KCNQ1: variants seen among roughly 807,000 people sequenced by gnomAD.
The protein encoded by KCNQ1 is potassium voltage-gated channel subfamily Q member 1.
In KCNQ1, 49 loss-of-function variants were observed where a neutral mutation model predicts 72.4. The ratio of observed to expected loss-of-function variants is 0.68; its 90% CI spans 0.54 to 0.86. The LOEUF (loss-of-function observed/expected upper bound fraction) is 0.86. KCNQ1 is among the 40% of genes least tolerant of loss of function. The pLI is 0.00. For synonymous variants in KCNQ1, 450 were observed against 412.6 expected, an observed-to-expected ratio of 1.09 and a Z score of -1.10; for missense variants, 790 against 945.1, an observed-to-expected ratio of 0.84 and a Z score of 2.15.
At chr11:2,453,423 G>A (rs114213004) in intron 1 of KCNQ1, among the ~76,000 whole-genome samples, 1,574 of 152,048 alleles carry the variant, frequency 0.01, 24 homozygotes, top group African/African-American at 0.036. Context: ...CAGGCTGGGG[G>A]AAGATGTGAT....
rs1472495002 is a variant in KCNQ1 at position 2,608,217 on chromosome 11, T to A, written c.1393+19363T>A. On this transcript the variant is annotated intron_variant, in intron 10 of 15. Transcript: ENST00000155840. The surrounding 1 kb of genome is among the most constrained non-coding windows in gnomAD (Gnocchi z 4.6). Reference sequence around the variant, plus strand: ...AGAATTGATATTCTTTAGATATTTGTTAGATTCACTCATCTGGCCCTCTTG... The same window carrying A: ...AGAATTGATATTCTTTAGATATTTGATAGATTCACTCATCTGGCCCTCTTG... The A allele has an allele frequency of 5.1e-6, 2 of 394,520 alleles. No individual in the cohort carries two copies. The highest frequency in any genetic ancestry group is 4.1e-5 in the African/African-American group (2 of 48,562). The allele number at this position is 394,520 out of a possible 1,614,324, so 24.4% of individuals were successfully genotyped here. A position where few individuals can be genotyped will look rare whatever the true frequency, so the allele number is the denominator to read the frequency against.
At position 2,848,465 on chromosome 11, in the gene KCNQ1, A is replaced by G. The variant is rs533308153; in HGVS notation, c.*462A>G. 2 of 460,392 alleles carry G rather than the reference A, an allele frequency of 4.3e-6. No homozygotes were observed. The highest frequency in any genetic ancestry group is 4.0e-5 in the African/African-American group (2 of 50,388). 28.5% of individuals were successfully genotyped at this position (460,392 alleles called of 1,614,324 possible). On this transcript the variant is annotated 3_prime_UTR_variant, in exon 16 of 16. Coordinates refer to ENST00000155840, the MANE Select transcript of KCNQ1 (RefSeq NM_000218.3). ...GGCACAGGCAGGGCAGGACCAGCCC[A>G]CGCTGACTACAGGGCCGCCGGCAAT...
chr11:2,539,918 T>C (rs1847796234), intron 2 of KCNQ1, among the ~76,000 whole-genome samples: 1 of 152,198 alleles, frequency 6.6e-6, no homozygotes, highest in South Asian at 2.1e-4. Context: ...TGTTTTCACA[T>C]CTGACCCTGG....
intron 11 of KCNQ1, among the ~76,000 whole-genome samples, chr11:2,727,414 G>C (rs1421129364): frequency 6.6e-6 from 1 of 152,234 alleles, no homozygotes; most frequent in Non-Finnish European, 1.5e-5. Context: ...TGAGTCAGGT[G>C]TCAGGGACCA....
intron 10 of KCNQ1, chr11:2,631,140 G>A (rs1274881267): frequency 2.5e-6 from 1 of 398,516 alleles, no homozygotes; most frequent in East Asian, 3.6e-5. Flanking sequence ...CCCCAGATAT[G>A]GGAAGTTTTC....
Position 2,695,127 on chromosome 11 carries a change from C to T in KCNQ1, c.1514+33046C>T, listed in dbSNP as rs980427024. The T allele has an allele frequency of 5.0e-6, 2 of 398,496 alleles. No homozygotes were observed. The highest frequency in any genetic ancestry group is 8.8e-6 in the Non-Finnish European group (2 of 226,092). 24.7% of individuals were successfully genotyped at this position (398,496 alleles called of 1,614,324 possible). ...ATCTGGCAGGAGAGTCATGGAGGCA[C>T]ATTCATTCGTTGGTTCTTGGCTTTT... On this transcript the variant is annotated intron_variant, in intron 11 of 15. Coordinates refer to ENST00000155840, the MANE Select transcript of KCNQ1 (RefSeq NM_000218.3). The surrounding 1 kb of genome is among the most constrained non-coding windows in gnomAD (Gnocchi z 5.2).
rs1312560445 is a variant in KCNQ1 at position 2,687,941 on chromosome 11, C to T, written c.1514+25860C>T. 2.5e-6 allele frequency: 1 copy of T among 398,784 alleles called. No homozygotes were observed. Among genetic ancestry groups the T allele is most frequent in the Non-Finnish European group, 4.4e-6 (1 of 226,170 alleles). 24.7% of individuals were successfully genotyped at this position (398,784 alleles called of 1,614,324 possible). On this transcript the variant is annotated intron_variant, in intron 11 of 15. Transcript: ENST00000155840. The surrounding 1 kb of genome is among the most constrained non-coding windows in gnomAD (Gnocchi z 5.0). ...AGTTGTGAGGCTGCACTTCTCCCACCCGCTGTGGGTCAGCCAGGCCGCTGC... is the reference window on the plus strand; with the variant it reads ...AGTTGTGAGGCTGCACTTCTCCCACTCGCTGTGGGTCAGCCAGGCCGCTGC...
At chr11:2,666,946 G>C (rs1850082795) in intron 11 of KCNQ1, 1 of 398,754 alleles carries the variant, frequency 2.5e-6, no homozygotes, top group South Asian at 1.3e-4. Flanking sequence ...CTGTCTGCAC[G>C]AGATGCCAAG....
chr11:2,614,125 C>G, intron 10 of KCNQ1: 1 of 398,466 alleles, frequency 2.5e-6, no homozygotes, highest in Non-Finnish European at 4.4e-6. Context: ...TTTGGCTTTC[C>G]TACCATGTCT....
chr11:2,542,224 GACATT>G (rs1172776181), intron 2 of KCNQ1, among the ~76,000 whole-genome samples: 1 of 152,256 alleles, frequency 6.6e-6, no homozygotes, highest in Non-Finnish European at 1.5e-5. Flanking sequence ...AGGGTGTGGG[GACATT>G]GGGCATGAAG....
chr11:2,606,892 ATTTTTTTTTTTTT>A (rs869121696), intron 10 of KCNQ1, among the ~76,000 whole-genome samples: 1 of 82,766 alleles, frequency 1.2e-5, no homozygotes, highest in South Asian at 4.0e-4. Context: ...ATTATCTGTG[ATTTTTTTTTTTTT>A]TTTTTTTTTT....
intron 10 of KCNQ1, chr11:2,630,561 T>C (rs1187744503): frequency 5.0e-6 from 2 of 398,194 alleles, no homozygotes; most frequent in African/African-American, 4.1e-5. Flanking sequence ...ATGAAAACAA[T>C]AGTAATTTTT....
In KCNQ1 at chr11:2,663,131, G is replaced by A. The variant is rs1850000033; in HGVS notation, c.1514+1050G>A. 2.5e-6 allele frequency: 1 copy of A among 398,754 alleles called. No individual in the cohort carries two copies. The highest frequency in any genetic ancestry group is 4.4e-6 in the Non-Finnish European group (1 of 226,162). The allele number at this position is 398,754 out of a possible 1,614,324, so 24.7% of individuals were successfully genotyped here. On this transcript the variant is annotated intron_variant, in intron 11 of 15. Transcript: ENST00000155840. This position sits in a 1 kb window ranked among gnomAD's most constrained non-coding sequence, Gnocchi z 5.2. Reference sequence around the variant, plus strand: ...CTATCTTAAGGGGTAATTATGATCAGACAGGACCTGCCCACTGTCTTTCCA... The same window carrying A: ...CTATCTTAAGGGGTAATTATGATCAAACAGGACCTGCCCACTGTCTTTCCA...
At position 2,493,165 on chromosome 11, in the gene KCNQ1, A is replaced by G. The variant is rs1028942477; in HGVS notation, c.387-34763A>G. Reference sequence around the variant, plus strand: ...GGCCACATAAATGTCTTCTTTTGAGAAGTATCTGTTCGTATCCTTTACCCA... The same window carrying G: ...GGCCACATAAATGTCTTCTTTTGAGGAGTATCTGTTCGTATCCTTTACCCA... On this transcript the variant is annotated intron_variant, in intron 1 of 15. Transcript: ENST00000155840. The surrounding 1 kb of genome is among the most constrained non-coding windows in gnomAD (Gnocchi z 5.3). Among the ~76,000 whole-genome samples the G allele has an allele frequency of 2.6e-5, 4 of 152,106 alleles. No individual in the cohort carries two copies. The highest frequency in any genetic ancestry group is 4.4e-5 in the Non-Finnish European group (3 of 68,020).
In KCNQ1 at chr11:2,769,454, G is replaced by C. The variant is rs993523233; in HGVS notation, c.1590+535G>C. On this transcript the variant is annotated intron_variant, in intron 12 of 15. Transcript: ENST00000155840. The surrounding 1 kb of genome is among the most constrained non-coding windows in gnomAD (Gnocchi z 4.6). The stretch of plus-strand genomic sequence containing the variant: ...AGGTGGGGTCCCCTTGGCCAGGTGA[G>C]GCTGGAGCTCCAGGGCTTCCATAAG... Among the ~76,000 whole-genome samples the C allele has an allele frequency of 2.6e-5, 4 of 152,172 alleles. No individual in the cohort carries two copies. Among genetic ancestry groups the C allele is most frequent in the Non-Finnish European group, 5.9e-5 (4 of 68,032 alleles).
Position 2,516,338 on chromosome 11 carries a change from G to A in KCNQ1, c.387-11590G>A, listed in dbSNP as rs1404812025. Among the ~76,000 whole-genome samples the A allele has an allele frequency of 6.6e-6, 1 of 152,058 alleles. No homozygotes were observed. Among genetic ancestry groups the A allele is most frequent in the Non-Finnish European group, 1.5e-5 (1 of 68,022 alleles). ...GAGGAGGTGGGCTTTAAATGGCTCAGTCCCAGCGTCCCCTCATGCCTGGGA... is the reference window on the plus strand; with the variant it reads ...GAGGAGGTGGGCTTTAAATGGCTCAATCCCAGCGTCCCCTCATGCCTGGGA... On this transcript the variant is annotated intron_variant, in intron 1 of 15. Coordinates refer to ENST00000155840, the MANE Select transcript of KCNQ1 (RefSeq NM_000218.3). This position sits in a 1 kb window ranked among gnomAD's most constrained non-coding sequence, Gnocchi z 7.0.
Position 2,642,137 on chromosome 11 carries a change from T to G in KCNQ1, c.1394-19824T>G. On this transcript the variant is annotated intron_variant, in intron 10 of 15. Coordinates refer to ENST00000155840, the MANE Select transcript of KCNQ1 (RefSeq NM_000218.3). This position sits in a 1 kb window ranked among gnomAD's most constrained non-coding sequence, Gnocchi z 4.3. The stretch of plus-strand genomic sequence containing the variant: ...TTGGTTCCATCTGAATTTTAGGATT[T>G]TTTCTATTTCCATGAAAAATGGCAT... 1 of 398,458 alleles carries G rather than the reference T, an allele frequency of 2.5e-6. No individual in the cohort carries two copies. Among genetic ancestry groups the G allele is most frequent in the Non-Finnish European group, 4.4e-6 (1 of 225,962 alleles). The allele number at this position is 398,458 out of a possible 1,614,324, so 24.7% of individuals were successfully genotyped here. A position where few individuals can be genotyped will look rare whatever the true frequency, so the allele number is the denominator to read the frequency against.
Position 2,653,801 on chromosome 11 carries a change from T to C in KCNQ1, c.1394-8160T>C. The C allele has an allele frequency of 5.0e-6, 2 of 398,616 alleles. No individual in the cohort carries two copies. The highest frequency in any genetic ancestry group is 8.8e-6 in the Non-Finnish European group (2 of 226,070). The allele number at this position is 398,616 out of a possible 1,614,324, so 24.7% of individuals were successfully genotyped here. ...CTTGGACCTGCAGCTGTACCTCCGATGGCTGAGGCAAGGTCCACAGGGACC... is the reference window on the plus strand; with the variant it reads ...CTTGGACCTGCAGCTGTACCTCCGACGGCTGAGGCAAGGTCCACAGGGACC... On this transcript the variant is annotated intron_variant, in intron 10 of 15. Coordinates refer to ENST00000155840, the MANE Select transcript of KCNQ1 (RefSeq NM_000218.3). The surrounding 1 kb of genome is among the most constrained non-coding windows in gnomAD (Gnocchi z 5.3).
At chr11:2,525,877 G>C (rs546182633) in intron 1 of KCNQ1, among the ~76,000 whole-genome samples, 3 of 152,210 alleles carry the variant, frequency 2.0e-5, no homozygotes, top group South Asian at 4.1e-4. Flanking sequence ...CTGCGTCCCG[G>C]GCATGGACTG....
Sources: gnomAD v4.1 joint callset for allele counts (sites outside exome capture counted in the v4.1 genomes callset) on GRCh38, gnomAD v4.1.1 for gene constraint, Gnocchi (gnomAD v3.1) non-coding constraint, MANE v1.5 for transcripts, NCBI Gene and HGNC (gene_info 2026-07-23, HGNC 2026-07-21) for gene names.